SH3D19: variants seen among roughly 807,000 people sequenced by gnomAD.
SH3D19 encodes SH3 domain containing 19, also known as SH3 domain-containing protein 19.
A neutral mutation model predicts 112.1 loss-of-function variants in SH3D19; 58 were observed. The observed-to-expected ratio is 0.52, with a 90% CI of 0.42 to 0.64. SH3D19 has a LOEUF of 0.64. Ranked by LOEUF, SH3D19 falls within the 30% of genes least tolerant of loss-of-function variation. The pLI, the probability that SH3D19 is intolerant of heterozygous loss-of-function variation, is 0.00. For synonymous variants in SH3D19, 391 were observed against 448.5 expected, an observed-to-expected ratio of 0.87 and a Z score of 1.62; for missense variants, 1,090 against 1,263.4, an observed-to-expected ratio of 0.86 and a Z score of 2.08.
chr4:151,322,933 T>C (rs929406376), intron 1 of SH3D19, among the ~76,000 whole-genome samples: 2 of 151,240 alleles, frequency 1.3e-5, no homozygotes, highest in African/African-American at 4.9e-5. Flanking sequence ...CTGTACAGAA[T>C]GAAAAGGAAA....
At chr4:151,137,681 A>G (rs1752143785) in intron 14 of SH3D19, 51 bp downstream of exon 14, 2 of 1,460,648 alleles carry the variant, frequency 1.4e-6, no homozygotes, top group South Asian at 1.5e-5. Flanking sequence ...TACAAGTCAC[A>G]TAGAACCCAC....
intron 1 of SH3D19, among the ~76,000 whole-genome samples, chr4:151,273,524 A>G (rs1337559441): frequency 7.5e-6 from 1 of 133,404 alleles, no homozygotes; most frequent in African/African-American, 2.8e-5. Context: ...TCGGAGGCGG[A>G]GGTTGCAGTG....
intron 1 of SH3D19, among the ~76,000 whole-genome samples, chr4:151,260,759 CT>C (rs1013564580): frequency 6.6e-6 from 1 of 152,178 alleles, no homozygotes; most frequent in Non-Finnish European, 1.5e-5. Context: ...TATTCTCCAG[CT>C]TTTCTTTCAG....
rs1201226727 is a variant in SH3D19 at position 151,198,119 on chromosome 4, C to T, written c.153-10656G>A. Reference sequence around the variant, plus strand: ...AGCAGATCGAGACAATCCTGGCTAACATGGTGAAACCTCATCTCTACAAAA... The same window carrying T: ...AGCAGATCGAGACAATCCTGGCTAATATGGTGAAACCTCATCTCTACAAAA... On this transcript the variant is annotated intron_variant, in intron 2 of 19. Coordinates refer to ENST00000604030, the MANE Select transcript of SH3D19 (RefSeq NM_001378122.1). Among the ~76,000 whole-genome samples the T allele has an allele frequency of 2.0e-5, 3 of 151,434 alleles. No homozygotes were observed. In the East Asian group the frequency reaches 5.8e-4, roughly 29 times the overall value.
intron 1 of SH3D19, among the ~76,000 whole-genome samples, chr4:151,228,600 A>G (rs1416028936): frequency 6.6e-6 from 1 of 152,226 alleles, no homozygotes; most frequent in Non-Finnish European, 1.5e-5. Context: ...ATTAGTAGAA[A>G]TAAATTTTTT....
intron 19 of SH3D19, among the ~76,000 whole-genome samples, chr4:151,123,587 A>G (rs114489188): frequency 2.5e-3 from 387 of 152,110 alleles, no homozygotes; most frequent in Non-Finnish European, 4.5e-3. Context: ...CATGGCCTCA[A>G]TATCAAATTT....
At chr4:151,255,202 C>T (rs1413434691) in intron 1 of SH3D19, among the ~76,000 whole-genome samples, 3 of 150,364 alleles carry the variant, frequency 2.0e-5, no homozygotes, top group Admixed American at 1.3e-4. Flanking sequence ...GGGTGGCTGC[C>T]GGGCGGAGAG....
chr4:151,202,289 C>T (rs1487010663), intron 2 of SH3D19, among the ~76,000 whole-genome samples: 3 of 152,082 alleles, frequency 2.0e-5, no homozygotes, highest in East Asian at 1.9e-4. Flanking sequence ...GAGCCGAGAT[C>T]GCGCCACTGA....
At chr4:151,222,607 T>A (rs1768247411) in intron 2 of SH3D19, among the ~76,000 whole-genome samples, 1 of 150,668 alleles carries the variant, frequency 6.6e-6, no homozygotes, top group African/African-American at 2.4e-5. Flanking sequence ...TAGTCCTAGA[T>A]TTTTTTTTTA....
intron 1 of SH3D19, among the ~76,000 whole-genome samples, chr4:151,239,022 AT>A (rs1294014377): frequency 6.6e-6 from 1 of 152,144 alleles, no homozygotes; most frequent in African/African-American, 2.4e-5. Context: ...TAAGTGCCCA[AT>A]TCTGATTTTT....
chr4:151,153,284 G>A (rs915545163), intron 9 of SH3D19, among the ~76,000 whole-genome samples: 5 of 151,914 alleles, frequency 3.3e-5, no homozygotes, highest in Non-Finnish European at 5.9e-5. Flanking sequence ...GTCTCGCTTT[G>A]TTGTCCAGGC....
intron 19 of SH3D19, 65 bp from the exon 20 acceptor site, chr4:151,122,272 T>C: frequency 1.2e-6 from 1 of 801,530 alleles, no homozygotes; most frequent in Non-Finnish European, 2.1e-6. Flanking sequence ...AATAGTGGCC[T>C]ACCTAGGGCA....
chr4:151,279,866 G>GAAGGT, intron 1 of SH3D19: 1 of 1,613,164 alleles, frequency 6.2e-7, no homozygotes, highest in Non-Finnish European at 8.5e-7. Flanking sequence ...GCTGGCCTTG[G>GAAGGT]CAGGTCAGCC....
At chr4:151,314,508 C>A (rs1193765320) in intron 1 of SH3D19, among the ~76,000 whole-genome samples, 1 of 152,158 alleles carries the variant, frequency 6.6e-6, no homozygotes, top group Non-Finnish European at 1.5e-5. Context: ...ACCTAACTAA[C>A]ATGTCCAAGG....
chr4:151,212,749 C>T (rs1035973579), intron 2 of SH3D19, among the ~76,000 whole-genome samples: 1 of 152,190 alleles, frequency 6.6e-6, no homozygotes, highest in African/African-American at 2.4e-5. Context: ...GTTATTTTGA[C>T]TTTGAAGTCT....
chr4:151,194,456 TAGTTTC>T (rs1367342037), intron 2 of SH3D19, among the ~76,000 whole-genome samples: 1 of 151,864 alleles, frequency 6.6e-6, no homozygotes, highest in Non-Finnish European at 1.5e-5. Context: ...AAATATATGG[TAGTTTC>T]AGTTTCAAGC....
rs955752173 is a variant in SH3D19, at chr4:151,137,164, A to G, written c.2427+568T>C. Among the ~76,000 whole-genome samples the G allele has an allele frequency of 8.5e-5, 13 of 152,358 alleles. 1 individual carries two copies. Among genetic ancestry groups the G allele is most frequent in the African/African-American group, 2.4e-4 (10 of 41,594 alleles). On this transcript the variant is annotated intron_variant, in intron 14 of 19. Coordinates refer to ENST00000604030, the MANE Select transcript of SH3D19 (RefSeq NM_001378122.1). ...CAAGTTAGGCCGTGAGGGTATAAAA[A>G]TTCTGGTGCTTTAATATAATTTTCC...
chr4:151,149,924 G>A (rs1287846685), intron 9 of SH3D19, among the ~76,000 whole-genome samples: 2 of 151,930 alleles, frequency 1.3e-5, no homozygotes, highest in East Asian at 1.9e-4. Context: ...GGTGGCTCAC[G>A]CCTGTAATCC....
At chr4:151,236,332 T>A (rs1401899269) in intron 1 of SH3D19, among the ~76,000 whole-genome samples, 1 of 152,250 alleles carries the variant, frequency 6.6e-6, no homozygotes, top group Non-Finnish European at 1.5e-5. Flanking sequence ...TTGGCACAGC[T>A]GGCTGGCACC....
Sources: allele counts gnomAD v4.1 joint callset (sites outside exome capture counted in the v4.1 genomes callset), GRCh38; gene constraint gnomAD v4.1.1; transcripts MANE v1.5; gene names NCBI Gene and HGNC (gene_info 2026-07-23, HGNC 2026-07-21).